Variants in SLC39A11 observed in about 807,000 individuals in gnomAD.
The protein encoded by SLC39A11 is solute carrier family 39 member 11, also known as zinc transporter ZIP11.
SLC39A11 carries 33 observed loss-of-function variants against 36.1 expected under a neutral mutation model. The ratio of observed to expected loss-of-function variants is 0.91; its 90% CI spans 0.69 to 1.22. SLC39A11 has a LOEUF of 1.22. Ranked by LOEUF, SLC39A11 falls within the 50% of genes most tolerant of loss-of-function variation. The pLI is 0.00. For missense variants in SLC39A11, 432 were observed against 430.3 expected (o/e 1.00, Z -0.03); for synonymous variants, 166 against 170.3 (o/e 0.97, Z 0.20).
chr17:73,015,928 T>C (rs2058148952), intron 4 of SLC39A11, among the ~76,000 whole-genome samples: 1 of 152,140 alleles, frequency 6.6e-6, no homozygotes, highest in African/African-American at 2.4e-5. Flanking sequence ...ATGGCGGTGC[T>C]TTCTCATCTT....
At chr17:73,064,250 G>A (rs549240166) in intron 3 of SLC39A11, among the ~76,000 whole-genome samples, 10 of 152,194 alleles carry the variant, frequency 6.6e-5, no homozygotes, top group Non-Finnish European at 1.3e-4. Context: ...GTGGCTCATG[G>A]CCCTGAGCCA....
intron 5 of SLC39A11, among the ~76,000 whole-genome samples, chr17:72,851,956 A>G (rs2079351442): frequency 6.6e-6 from 1 of 152,112 alleles, no homozygotes; most frequent in Non-Finnish European, 1.5e-5. Context: ...TAATCCCAGC[A>G]CTTTGGGAGG....
Position 72,852,057 on chromosome 17 carries a change from T to C in SLC39A11, c.431-2253A>G, listed in dbSNP as rs187213371. On this transcript the variant is annotated intron_variant, in intron 5 of 9. Transcript: ENST00000255559. ...CTCTACTAAAAATACAAAAATTAAC[T>C]GGGCGTGGTGGCAGGCGCCTGTAGT... Among the ~76,000 whole-genome samples, 114 of 150,872 alleles carry C rather than the reference T, an allele frequency of 7.6e-4. 1 individual carries two copies. Among genetic ancestry groups the C allele is most frequent in the Admixed American group, 1.6e-3 (24 of 15,136 alleles).
intron 7 of SLC39A11, among the ~76,000 whole-genome samples, chr17:72,687,754 G>A (rs552305764): frequency 6.6e-6 from 1 of 152,350 alleles, no homozygotes; most frequent in Admixed American, 6.5e-5. Context: ...CCTGGCAGCA[G>A]CCGCCTTTGA....
At chr17:72,813,286 C>T (rs988818434) in intron 6 of SLC39A11, among the ~76,000 whole-genome samples, 4 of 152,184 alleles carry the variant, frequency 2.6e-5, no homozygotes, top group African/African-American at 9.7e-5. Context: ...TTCTGGTCCC[C>T]ATTGTCAGAT....
intron 4 of SLC39A11, among the ~76,000 whole-genome samples, chr17:73,015,030 T>C (rs1259631806): frequency 2.0e-5 from 3 of 152,230 alleles, no homozygotes; most frequent in Non-Finnish European, 4.4e-5. Context: ...TCAGTGCTTG[T>C]TGAATTCATG....
chr17:72,764,720 A>G (rs2075706283), intron 6 of SLC39A11, among the ~76,000 whole-genome samples: 1 of 152,144 alleles, frequency 6.6e-6, no homozygotes, highest in Admixed American at 6.5e-5. Context: ...AGGTTGGGTG[A>G]TTCTATACCT....
intron 4 of SLC39A11, among the ~76,000 whole-genome samples, chr17:72,949,144 CTTTTTTTTTTTTT>C (rs56036208): frequency 4.1e-4 from 15 of 36,508 alleles, no homozygotes; most frequent in East Asian, 2.3e-3. Context: ...CACTGGGCAG[CTTTTTTTTTTTTT>C]TTTTTTTTTT....
At chr17:72,861,478 A>T (rs1236705848) in intron 5 of SLC39A11, among the ~76,000 whole-genome samples, 1 of 151,606 alleles carries the variant, frequency 6.6e-6, no homozygotes, top group East Asian at 1.9e-4. Context: ...CACTTCCTAA[A>T]AAATGTTGCA....
At position 72,860,906 on chromosome 17, in the gene SLC39A11, G is replaced by T. The variant is rs2079943281; in HGVS notation, c.431-11102C>A. ...CCTCTGCGCCTCAGTTTATGCACTT[G>T]CCAAACGAGGGTAATAGTATTACCC... On this transcript the variant is annotated intron_variant, in intron 5 of 9. Coordinates refer to ENST00000255559, the MANE Select transcript of SLC39A11 (RefSeq NM_139177.4). 2.6e-5 allele frequency among the ~76,000 whole-genome samples: 4 copies of T among 152,150 alleles called. No homozygotes were observed. The South Asian group carries it at 8.3e-4, about 31-fold the overall frequency.
chr17:72,823,266 C>T (rs1410547804), intron 6 of SLC39A11, among the ~76,000 whole-genome samples: 2 of 151,254 alleles, frequency 1.3e-5, no homozygotes, highest in Non-Finnish European at 3.0e-5. Context: ...AGTCTTCTTA[C>T]TCCCATCTCT....
chr17:72,862,653 G>A (rs2080098598), intron 5 of SLC39A11, among the ~76,000 whole-genome samples: 1 of 152,112 alleles, frequency 6.6e-6, no homozygotes, highest in African/African-American at 2.4e-5. Context: ...TTCAGCTACG[G>A]GCAGACATGT....
chr17:72,705,803 G>A (rs1053522318), intron 7 of SLC39A11, among the ~76,000 whole-genome samples: 1 of 152,156 alleles, frequency 6.6e-6, no homozygotes, highest in African/African-American at 2.4e-5. Context: ...CGTCGACAAC[G>A]GGTACAATTC....
intron 6 of SLC39A11, among the ~76,000 whole-genome samples, chr17:72,814,058 T>C (rs2077510246): frequency 6.6e-6 from 1 of 152,198 alleles, no homozygotes; most frequent in Non-Finnish European, 1.5e-5. Flanking sequence ...TTCTACATTC[T>C]AGAACAACAC....
intron 6 of SLC39A11, among the ~76,000 whole-genome samples, chr17:72,848,932 G>T (rs905160912): frequency 6.6e-6 from 1 of 152,206 alleles, no homozygotes; most frequent in Admixed American, 6.5e-5. Context: ...GAGAGTTTTT[G>T]GCTTCCCCAA....
intron 4 of SLC39A11, among the ~76,000 whole-genome samples, chr17:72,986,994 A>C (rs2088813185): frequency 1.3e-5 from 2 of 152,300 alleles, no homozygotes; most frequent in South Asian, 4.1e-4. Flanking sequence ...TTGAAATGTG[A>C]GCCCCAGTGC....
Position 72,955,342 on chromosome 17 carries a change from G to A in SLC39A11, c.307-7467C>T, listed in dbSNP as rs556638331. Among the ~76,000 whole-genome samples the A allele has an allele frequency of 7.1e-4, 30 of 42,066 alleles. No homozygotes were observed. The East Asian group carries it at 0.022, about 31-fold the overall frequency. The allele number at this position is 42,066 out of a possible 152,430, so 27.6% of individuals were successfully genotyped here. ...TTGTTTGAGACTTTCTTGTTCTGTC[G>A]CCCAAGATGGAGTGCAGTGGTGCAA... On this transcript the variant is annotated intron_variant, in intron 4 of 9. Transcript: ENST00000255559.
intron 3 of SLC39A11, among the ~76,000 whole-genome samples, chr17:73,058,352 G>A (rs186884228): frequency 2.3e-4 from 35 of 152,290 alleles, no homozygotes; most frequent in East Asian, 7.7e-4. Flanking sequence ...GAGTAAATGC[G>A]GAAAAGATAG....
At position 72,690,021 on chromosome 17, in the gene SLC39A11, T is replaced by C. The variant is rs146629913; in HGVS notation, c.672-40753A>G. 6.5e-3 allele frequency among the ~76,000 whole-genome samples: 989 copies of C among 152,240 alleles called. 6 individuals are homozygous for C. The highest frequency in any genetic ancestry group is 0.01 in the Non-Finnish European group (699 of 68,010). ...TGTGTGAGGGGATCATACACTCCACTGGGAGGGGGCCTTGCAAGCTGCAGG... is the reference window on the plus strand; with the variant it reads ...TGTGTGAGGGGATCATACACTCCACCGGGAGGGGGCCTTGCAAGCTGCAGG... On this transcript the variant is annotated intron_variant, in intron 7 of 9. Coordinates refer to ENST00000255559, the MANE Select transcript of SLC39A11 (RefSeq NM_139177.4).
Sources: gnomAD v4.1 joint callset for allele counts (sites outside exome capture counted in the v4.1 genomes callset) on GRCh38, gnomAD v4.1.1 for gene constraint, MANE v1.5 for transcripts, NCBI Gene and HGNC (gene_info 2026-07-23, HGNC 2026-07-21) for gene names.